UBA5: variants seen among roughly 807,000 people sequenced by gnomAD.
The protein encoded by UBA5 is ubiquitin-like modifier-activating enzyme 5.
In UBA5, 28 loss-of-function variants were observed where a neutral mutation model predicts 52.9. That is an observed-to-expected ratio of 0.53 (90% CI 0.39 to 0.73). The LOEUF is 0.73. UBA5 is among the 30% of genes least tolerant of loss of function. The probability of loss-of-function intolerance (pLI) is 0.00; values close to 1 mark genes in which losing one functional copy is unlikely to be tolerated. For synonymous variants in UBA5, 135 were observed against 162.1 expected (o/e 0.83, Z 1.27); for missense variants, 388 against 492.7 (o/e 0.79, Z 2.01).
At chr3:132,661,073 C>T in intron 1 of UBA5, 9 of 1,204,554 alleles carry the variant, frequency 7.5e-6, no homozygotes, top group Non-Finnish European at 8.8e-6. Flanking sequence ...TCATTAAAGG[C>T]TTATCAATGC....
Position 132,677,461 on chromosome 3 carries a change from T to G in UBA5, c.*935T>G, listed in dbSNP as rs1025780147. 1.1e-4 allele frequency: 16 copies of G among 152,322 alleles called. No individual in the cohort carries two copies. The highest frequency in any genetic ancestry group is 5.9e-5 in the Non-Finnish European group (4 of 68,114). 9.4% of individuals were successfully genotyped at this position (152,322 alleles called of 1,614,324 possible). A position where few individuals can be genotyped will look rare whatever the true frequency, so the allele number is the denominator to read the frequency against. The stretch of plus-strand genomic sequence containing the variant: ...TCTAAACTGCCTCTGCAATGACTTG[T>G]AGTCAGTGGAAGAGTATCACTTTCC... On this transcript the variant is annotated 3_prime_UTR_variant, in exon 12 of 12. Coordinates refer to ENST00000356232, the MANE Select transcript of UBA5 (RefSeq NM_024818.6).
intron 2 of UBA5, 58 bp downstream of exon 2, chr3:132,665,926 C>T (rs368560312): frequency 3.7e-6 from 6 of 1,610,014 alleles, no homozygotes; most frequent in Non-Finnish European, 5.1e-6. Context: ...AAAATAACTT[C>T]TGGTGACATA....
At chr3:132,661,871 G>A (rs1938183370) in intron 1 of UBA5, among the ~76,000 whole-genome samples, 1 of 152,204 alleles carries the variant, frequency 6.6e-6, no homozygotes, top group Admixed American at 6.5e-5. Context: ...AGAAGTCTTA[G>A]GGTGCACTGT....
upstream of UBA5, among the ~76,000 whole-genome samples, chr3:132,659,078 T>C (rs1304527322): frequency 6.6e-6 from 1 of 152,154 alleles, no homozygotes; most frequent in African/African-American, 2.4e-5. Flanking sequence ...GGAACGCTAC[T>C]CTCAGGATCC....
intron 8 of UBA5, among the ~76,000 whole-genome samples, chr3:132,674,004 C>G (rs112554952): frequency 3.3e-5 from 5 of 152,188 alleles, no homozygotes; most frequent in East Asian, 1.9e-4. Flanking sequence ...TCTGAATTTA[C>G]GAAATATTTA....
At chr3:132,675,563 G>T in intron 9 of UBA5, 42 bp from the exon 10 acceptor site, 1 of 1,569,422 alleles carries the variant, frequency 6.4e-7, no homozygotes, top group South Asian at 1.2e-5. Flanking sequence ...TTAGAGAACT[G>T]AGAATGAGTA....
intron 8 of UBA5, among the ~76,000 whole-genome samples, 184 bp downstream of exon 8, chr3:132,672,361 C>G (rs560469100): frequency 7.6e-6 from 1 of 132,428 alleles, no homozygotes; most frequent in South Asian, 2.2e-4. Flanking sequence ...ATATGTATGT[C>G]TACTTTTCAT....
In UBA5 at chr3:132,663,143, T is replaced by G. The variant is rs145363972; in HGVS notation, c.161+2445T>G. 1.7e-3 allele frequency among the ~76,000 whole-genome samples: 264 copies of G among 152,276 alleles called. 1 individual carries two copies. The highest frequency in any genetic ancestry group is 6.3e-3 in the African/African-American group (261 of 41,538). ...CTGATTTAATAGATTCAGAGAAGTTTAATCTTAAGCTCGCAACCCAGTTTA... is the reference window on the plus strand; with the variant it reads ...CTGATTTAATAGATTCAGAGAAGTTGAATCTTAAGCTCGCAACCCAGTTTA... On this transcript the variant is annotated intron_variant, in intron 1 of 11. Transcript: ENST00000356232.
upstream of UBA5, chr3:132,660,326 G>A: frequency 1.6e-6 from 1 of 623,900 alleles, no homozygotes; most frequent in Non-Finnish European, 2.8e-6. The surrounding 1 kb of genome is among the most constrained non-coding windows in gnomAD (Gnocchi z 4.1). Context: ...CGATGTCTGC[G>A]ACGCACCGGA....
At chr3:132,672,376 A>C (rs1938643105) in intron 8 of UBA5, among the ~76,000 whole-genome samples, 199 bp downstream of exon 8, 1 of 152,018 alleles carries the variant, frequency 6.6e-6, no homozygotes, top group Non-Finnish European at 1.5e-5. Context: ...TTTCATATAT[A>C]TTGCTATATT....
At chr3:132,660,036 T>C, upstream of UBA5, 1 of 396,758 alleles carries the variant, frequency 2.5e-6, no homozygotes, top group Non-Finnish European at 4.5e-6. This position sits in a 1 kb window ranked among gnomAD's most constrained non-coding sequence, Gnocchi z 4.1. Flanking sequence ...GGCAAAGCCA[T>C]GGTCATCGTT....
intron 1 of UBA5, chr3:132,665,602 A>C: frequency 4.0e-6 from 2 of 506,258 alleles, no homozygotes. Flanking sequence ...GCTTTTAAAA[A>C]CCAATCTTGT....
Position 132,672,358 on chromosome 3 carries a change from T to C in UBA5, c.812+181T>C, listed in dbSNP as rs112040200. Among the ~76,000 whole-genome samples the C allele has an allele frequency of 7.5e-3, 1,012 of 135,766 alleles. 16 individuals carry two copies. The highest frequency in any genetic ancestry group is 0.034 in the African/African-American group (949 of 28,028). The allele number at this position is 135,766 out of a possible 152,430, so 89.1% of individuals were successfully genotyped here. Reference sequence around the variant, plus strand: ...GTGCAAATTCTATTTTATATATGTATGTCTACTTTTCATATATATTGCTAT... The same window carrying C: ...GTGCAAATTCTATTTTATATATGTACGTCTACTTTTCATATATATTGCTAT... On this transcript the variant is annotated intron_variant, in intron 8 of 11. Coordinates refer to ENST00000356232, the MANE Select transcript of UBA5 (RefSeq NM_024818.6).
chr3:132,659,588 G>A (rs758333344), upstream of UBA5: 2 of 1,608,382 alleles, frequency 1.2e-6, no homozygotes, highest in Non-Finnish European at 1.7e-6. Context: ...TGGAGGCAAA[G>A]GCTGACATCC....
chr3:132,667,909 C>T (rs377369913), intron 3 of UBA5: 1 of 152,100 alleles, frequency 6.6e-6, no homozygotes, highest in East Asian at 1.9e-4. Flanking sequence ...GAGACTCTTA[C>T]GTAGGATTAG....
intron 5 of UBA5, chr3:132,670,687 GA>G: frequency 4.1e-6 from 1 of 245,358 alleles, no homozygotes; most frequent in Non-Finnish European, 7.7e-6. Context: ...AGCTGGTAGT[GA>G]AAAAATAACT....
intron 6 of UBA5, 26 bp downstream of exon 6, chr3:132,671,075 T>A: frequency 6.4e-7 from 1 of 1,565,164 alleles, no homozygotes; most frequent in Non-Finnish European, 8.8e-7. Flanking sequence ...GTGCAAGATA[T>A]ATTCATGGAT....
intron 8 of UBA5, 71 bp downstream of exon 8, chr3:132,672,248 T>C: frequency 6.7e-7 from 1 of 1,503,120 alleles, no homozygotes; most frequent in Admixed American, 2.3e-5. Context: ...TCACAAAGCA[T>C]TTCAGAAACT....
At chr3:132,669,456 T>C (rs1370783550) in intron 4 of UBA5, among the ~76,000 whole-genome samples, 2 of 152,026 alleles carry the variant, frequency 1.3e-5, no homozygotes, top group African/African-American at 4.8e-5. Flanking sequence ...TTAGCAGAGA[T>C]GGGGTTTTGC....
Sources: gnomAD v4.1 joint callset for allele counts (sites outside exome capture counted in the v4.1 genomes callset) on GRCh38, gnomAD v4.1.1 for gene constraint, Gnocchi (gnomAD v3.1) non-coding constraint, MANE v1.5 for transcripts, NCBI Gene and HGNC (gene_info 2026-07-23, HGNC 2026-07-21) for gene names.